SPEM3: variants seen among roughly 807,000 people sequenced by gnomAD.
SPEM3 encodes SPEM family member 3.
At position 7,428,906 on chromosome 17, in the gene SPEM3, G is replaced by T. The variant is rs1597734480; in HGVS notation, c.4G>T (p.Gly2Cys). ...GGCAGTCCTGGGACCCCAGGCCATG[G>T]GTGAGCGAGCCTATCATGGGGCCCA... M[G>C]ERAYHGAQVC... Residue 2 changes from glycine to cysteine, a missense_variant, in exon 1 of 3, where the codon GGT becomes TGT. Transcript: ENST00000636696. 1 of 398,718 alleles carries T rather than the reference G, an allele frequency of 2.5e-6. No homozygotes were observed. Among genetic ancestry groups the T allele is most frequent in the Non-Finnish European group, 4.4e-6 (1 of 226,112 alleles). 24.7% of individuals were successfully genotyped at this position (398,718 alleles called of 1,614,324 possible).
chr17:7,431,583 T>C lies in SPEM3; in HGVS notation c.2412T>C (p.Ser804=), dbSNP rs1907834277. Residue 804 remains serine, a synonymous_variant, in exon 3 of 3, where the codon TCT becomes TCC. Transcript: ENST00000636696. ...GGAGCTCAGGCTTTACACAAGACTC[T>C]GGAATCTATAGGAATCTTGAACCAA... is the stretch of plus-strand genomic sequence containing the variant. ...LQRSSGFTQD[S]GIYRNLEPNQ... The C allele has an allele frequency of 2.5e-6, 1 of 398,448 alleles. No homozygotes were observed. The highest frequency in any genetic ancestry group is 2.1e-5 in the African/African-American group (1 of 48,598). The allele number at this position is 398,448 out of a possible 1,614,324, so 24.7% of individuals were successfully genotyped here. A position where few individuals can be genotyped will look rare whatever the true frequency, so the allele number is the denominator to read the frequency against.
In SPEM3 at chr17:7,432,072, A is replaced by G. The variant is rs1444414281; in HGVS notation, c.2901A>G (p.Gln967=). 2 of 398,466 alleles carry G rather than the reference A, an allele frequency of 5.0e-6. No individual in the cohort carries two copies. The highest frequency in any genetic ancestry group is 4.4e-6 in the Non-Finnish European group (1 of 226,072). 24.7% of individuals were successfully genotyped at this position (398,466 alleles called of 1,614,324 possible). Residue 967 remains glutamine, a synonymous_variant, in exon 3 of 3, where the codon CAA becomes CAG. Transcript: ENST00000636696. This position sits in a 1 kb window ranked among gnomAD's most constrained non-coding sequence, Gnocchi z 4.1. ...VGVYRSSEHS[Q]DSNLHKCPGI... is the part of the protein sequence containing the mutation. The stretch of plus-strand genomic sequence containing the variant: ...TTTACAGGAGCTCAGAACATAGCCA[A>G]GACTCTAATCTCCACAAGTGCCCAG...
Position 7,430,681 on chromosome 17 carries a change from A to C in SPEM3, c.1510A>C (p.Ser504Arg), listed in dbSNP as rs922136155. 4 of 398,680 alleles carry C rather than the reference A, an allele frequency of 1.0e-5. No individual in the cohort carries two copies. Among genetic ancestry groups the C allele is most frequent in the African/African-American group, 8.2e-5 (4 of 48,740 alleles). 24.7% of individuals were successfully genotyped at this position (398,680 alleles called of 1,614,324 possible). A position where few individuals can be genotyped will look rare whatever the true frequency, so the allele number is the denominator to read the frequency against. ...SEQTKQCSGD[S>R]AKLPAGSILG... The stretch of plus-strand genomic sequence containing the variant: ...GCAAACAAAGCAATGCAGTGGGGAT[A>C]GTGCCAAGCTTCCTGCAGGATCCAT... The change falls in exon 3 of 3, where the codon AGT becomes CGT. Residue 504 changes from serine (S) to arginine (R), a missense_variant. By Grantham distance (110) the Ser-to-Arg change is moderately radical. Coordinates refer to ENST00000636696, the MANE Select transcript of SPEM3 (RefSeq NM_001364708.1).
In SPEM3 at chr17:7,429,484, G is replaced by A. The variant is rs887901262; in HGVS notation, c.313G>A (p.Val105Ile). 1.0e-5 allele frequency: 4 copies of A among 398,518 alleles called. No homozygotes were observed. The highest frequency in any genetic ancestry group is 1.3e-4 in the South Asian group (1 of 7,870). 24.7% of individuals were successfully genotyped at this position (398,518 alleles called of 1,614,324 possible). A position where few individuals can be genotyped will look rare whatever the true frequency, so the allele number is the denominator to read the frequency against. Residue 105 changes from valine to isoleucine, a missense_variant, in exon 3 of 3, where the codon GTT becomes ATT. Coordinates refer to ENST00000636696, the MANE Select transcript of SPEM3 (RefSeq NM_001364708.1). The surrounding 1 kb of genome is among the most constrained non-coding windows in gnomAD (Gnocchi z 4.9). ...HPRPGFLLRR[V>I]NHLDSWIPDT... ...TCGCCCAGGCTTCCTGCTCAGGCGC[G>A]TTAACCACCTTGACTCCTGGATACC...
At position 7,429,276 on chromosome 17, in the gene SPEM3, G is replaced by A. The variant is rs1907750193; in HGVS notation, c.196+29G>A. On this transcript the variant is annotated intron_variant, in intron 2 of 2. Coordinates refer to ENST00000636696, the MANE Select transcript of SPEM3 (RefSeq NM_001364708.1). This position sits in a 1 kb window ranked among gnomAD's most constrained non-coding sequence, Gnocchi z 4.9. ...AGTGGGCCCCTGTATGGGCTCCCAG[G>A]GATATGGGCCTGTCCCCTTTCTCCT... 2 of 398,400 alleles carry A rather than the reference G, an allele frequency of 5.0e-6. No individual in the cohort carries two copies. Among genetic ancestry groups the A allele is most frequent in the Non-Finnish European group, 8.8e-6 (2 of 226,056 alleles). The allele number at this position is 398,400 out of a possible 1,614,324, so 24.7% of individuals were successfully genotyped here.
At position 7,431,633 on chromosome 17, in the gene SPEM3, A is replaced by T; in HGVS notation, c.2462A>T (p.Asn821Ile). The change falls in exon 3 of 3, where the codon AAT (asparagine) becomes ATT (isoleucine). Residue 821 changes from asparagine (N) to isoleucine (I), a missense_variant. Asn to Ile is a moderately radical substitution (Grantham distance 149). Coordinates refer to ENST00000636696, the MANE Select transcript of SPEM3 (RefSeq NM_001364708.1). ...AACCAAGAGACTGTGATCTACAAAA[A>T]TCAAGATCTCTCCCAAGCAACTGAC... ...EPNQETVIYK[N>I]QDLSQATDHQ... 2.5e-6 allele frequency: 1 copy of T among 398,616 alleles called. No individual in the cohort carries two copies. Among genetic ancestry groups the T allele is most frequent in the East Asian group, 3.6e-5 (1 of 28,080 alleles). The allele number at this position is 398,616 out of a possible 1,614,324, so 24.7% of individuals were successfully genotyped here.
In SPEM3 at chr17:7,430,046, C is replaced by G. The variant is rs1046569303; in HGVS notation, c.875C>G (p.Ala292Gly). 7.2e-6 allele frequency: 3 copies of G among 413,808 alleles called. No homozygotes were observed. The highest frequency in any genetic ancestry group is 4.4e-5 in the Admixed American group (1 of 22,808). 25.6% of individuals were successfully genotyped at this position (413,808 alleles called of 1,614,324 possible). A position where few individuals can be genotyped will look rare whatever the true frequency, so the allele number is the denominator to read the frequency against. Residue 292 changes from alanine to glycine, a missense_variant, in exon 3 of 3, where the codon GCC (alanine) becomes GGC (glycine). Physicochemically the swap from Ala to Gly is moderately conservative, Grantham distance 60 (BLOSUM62 0). Transcript: ENST00000636696. ...ACCCCAGCCCCTACACCGGCCAAGG[C>G]CTCAGCTCACACTAAAGCCCATACG... Reference protein sequence around the residue: ...AHTPAPTPAKASAHTKAHTSA... With the variant: ...AHTPAPTPAKGSAHTKAHTSA...
At position 7,430,489 on chromosome 17, in the gene SPEM3, T is replaced by G. The variant is rs2150827395; in HGVS notation, c.1318T>G (p.Phe440Val). The change falls in exon 3 of 3, where the codon TTC becomes GTC. Residue 440 changes from phenylalanine (F) to valine (V), a missense_variant. Transcript: ENST00000636696. ...TCCTATACCCTCTACCCCACCTGCC[T>G]TCAGCCATGACCTCTCCACTGGCCA... ...ITPIPSTPPA[F>V]SHDLSTGHVV... 1 of 399,402 alleles carries G rather than the reference T, an allele frequency of 2.5e-6. No individual in the cohort carries two copies. The highest frequency in any genetic ancestry group is 3.6e-5 in the East Asian group (1 of 28,090). 24.7% of individuals were successfully genotyped at this position (399,402 alleles called of 1,614,324 possible).
chr17:7,432,781 A>C lies in SPEM3; in HGVS notation c.*19A>C. 5.0e-6 allele frequency: 2 copies of C among 398,622 alleles called. No individual in the cohort carries two copies. The highest frequency in any genetic ancestry group is 8.8e-6 in the Non-Finnish European group (2 of 226,106). 24.7% of individuals were successfully genotyped at this position (398,622 alleles called of 1,614,324 possible). On this transcript the variant is annotated 3_prime_UTR_variant, in exon 3 of 3. Coordinates refer to ENST00000636696, the MANE Select transcript of SPEM3 (RefSeq NM_001364708.1). This position sits in a 1 kb window ranked among gnomAD's most constrained non-coding sequence, Gnocchi z 4.1. The stretch of plus-strand genomic sequence containing the variant: ...AATGTGATGAGAACCTTGGACAAAG[A>C]GGGGACAAAAGTGCATCAGGAATAA...
In SPEM3 at chr17:7,430,044, G is replaced by A. The variant is rs1413098080; in HGVS notation, c.873G>A (p.Lys291=). The change falls in exon 3 of 3, where the codon AAG becomes AAA. Residue 291 remains lysine (K), a synonymous_variant. Coordinates refer to ENST00000636696, the MANE Select transcript of SPEM3 (RefSeq NM_001364708.1). ...QAHTPAPTPA[K]ASAHTKAHTS... is the part of the protein sequence containing the mutation. ...ACACCCCAGCCCCTACACCGGCCAA[G>A]GCCTCAGCTCACACTAAAGCCCATA... The A allele has an allele frequency of 9.7e-6, 4 of 410,440 alleles. No homozygotes were observed. The highest frequency in any genetic ancestry group is 2.1e-5 in the African/African-American group (1 of 47,754). The allele number at this position is 410,440 out of a possible 1,614,324, so 25.4% of individuals were successfully genotyped here.
rs1219546720 is a variant in SPEM3 at position 7,429,951 on chromosome 17, C to T, written c.780C>T (p.Thr260=). 2.6e-5 allele frequency: 11 copies of T among 422,402 alleles called. No individual in the cohort carries two copies. The highest frequency in any genetic ancestry group is 2.9e-5 in the Non-Finnish European group (7 of 241,246). 26.2% of individuals were successfully genotyped at this position (422,402 alleles called of 1,614,324 possible). Residue 260 remains threonine, a synonymous_variant, in exon 3 of 3, where the codon ACC becomes ACT. Transcript: ENST00000636696. This position sits in a 1 kb window ranked among gnomAD's most constrained non-coding sequence, Gnocchi z 4.9. The part of the protein sequence containing the change: ...PEGTHSQAQD[T]SAQAQAHTSA... ...GCACCCACTCCCAGGCCCAGGACAC[C>T]TCAGCCCAGGCCCAAGCCCACACCT... is the stretch of plus-strand genomic sequence containing the variant.
rs1907749800 is a variant in SPEM3 at position 7,429,266 on chromosome 17, G to C, written c.196+19G>C. The C allele has an allele frequency of 5.0e-6, 2 of 398,424 alleles. No homozygotes were observed. Among genetic ancestry groups the C allele is most frequent in the Non-Finnish European group, 8.8e-6 (2 of 226,056 alleles). The allele number at this position is 398,424 out of a possible 1,614,324, so 24.7% of individuals were successfully genotyped here. A position where few individuals can be genotyped will look rare whatever the true frequency, so the allele number is the denominator to read the frequency against. ...CCCAAAGGTGAGTGGGCCCCTGTAT[G>C]GGCTCCCAGGGATATGGGCCTGTCC... On this transcript the variant is annotated intron_variant, in intron 2 of 2. Transcript: ENST00000636696. This position sits in a 1 kb window ranked among gnomAD's most constrained non-coding sequence, Gnocchi z 4.9.
chr17:7,429,259 C>G lies in SPEM3; in HGVS notation c.196+12C>G, dbSNP rs1907749328. 1 of 398,522 alleles carries G rather than the reference C, an allele frequency of 2.5e-6. No homozygotes were observed. The highest frequency in any genetic ancestry group is 4.4e-5 in the Admixed American group (1 of 22,726). The allele number at this position is 398,522 out of a possible 1,614,324, so 24.7% of individuals were successfully genotyped here. On this transcript the variant is annotated intron_variant, in intron 2 of 2. Coordinates refer to ENST00000636696, the MANE Select transcript of SPEM3 (RefSeq NM_001364708.1). This position sits in a 1 kb window ranked among gnomAD's most constrained non-coding sequence, Gnocchi z 4.9. ...TTTTTTCCCCAAAGGTGAGTGGGCC[C>G]CTGTATGGGCTCCCAGGGATATGGG...
rs1443635713 is a variant in SPEM3, at chr17:7,429,091, G to A, written c.138+51G>A. On this transcript the variant is annotated intron_variant, in intron 1 of 2. Transcript: ENST00000636696. The surrounding 1 kb of genome is among the most constrained non-coding windows in gnomAD (Gnocchi z 4.9). ...GTTGGGGGAGCCCTGGGGTCTTGAA[G>A]GGGCTGAGGTGGGAGGGCTGTTGGG... 7.5e-6 allele frequency: 3 copies of A among 398,848 alleles called. No homozygotes were observed. Among genetic ancestry groups the A allele is most frequent in the Non-Finnish European group, 1.3e-5 (3 of 226,220 alleles). The allele number at this position is 398,848 out of a possible 1,614,324, so 24.7% of individuals were successfully genotyped here. A position where few individuals can be genotyped will look rare whatever the true frequency, so the allele number is the denominator to read the frequency against.
chr17:7,430,071 G>A lies in SPEM3; in HGVS notation c.900G>A (p.Thr300=), dbSNP rs573217109. The change falls in exon 3 of 3, where the codon ACG becomes ACA. Residue 300 remains threonine (T), a synonymous_variant. Transcript: ENST00000636696. The stretch of plus-strand genomic sequence containing the variant: ...CCTCAGCTCACACTAAAGCCCATAC[G>A]TCAGCCCAGGCCCAAACCCACTCTC... ...AKASAHTKAH[T]SAQAQTHSPP... is the part of the protein sequence containing the mutation. 27 of 405,274 alleles carry A rather than the reference G, an allele frequency of 6.7e-5. No homozygotes were observed. The highest frequency in any genetic ancestry group is 1.2e-3 in the Middle Eastern group (2 of 1,628). 25.1% of individuals were successfully genotyped at this position (405,274 alleles called of 1,614,324 possible).
rs1022687422 is a variant in SPEM3 at position 7,431,875 on chromosome 17, C to T, written c.2704C>T (p.Leu902Phe). ...CCCAGGCCTTGTCCAAACCTCTGGC[C>T]TCCCAAAGTGCTCAGGCCTTACCCA... ...KSPGLVQTSG[L>F]PKCSGLTQNS... Residue 902 changes from leucine (L) to phenylalanine (F), a missense_variant, in exon 3 of 3, where the codon CTC becomes TTC. Leu to Phe is a conservative substitution (Grantham distance 22). Coordinates refer to ENST00000636696, the MANE Select transcript of SPEM3 (RefSeq NM_001364708.1). The T allele has an allele frequency of 2.5e-6, 1 of 398,502 alleles. No homozygotes were observed. The highest frequency in any genetic ancestry group is 4.4e-5 in the Admixed American group (1 of 22,708). The allele number at this position is 398,502 out of a possible 1,614,324, so 24.7% of individuals were successfully genotyped here.
rs967162698 is a variant in SPEM3 at position 7,431,528 on chromosome 17, C to T, written c.2357C>T (p.Thr786Ile). ...LTQSPGLHKK[T>I]PFTQTSDLQR... is the part of the protein sequence containing the mutation. ...CAATCCCCTGGCCTCCACAAGAAAA[C>T]ACCATTTACCCAAACTTCTGATCTT... is the stretch of plus-strand genomic sequence containing the variant. Residue 786 changes from threonine to isoleucine, a missense_variant, in exon 3 of 3, where the codon ACA (threonine) becomes ATA (isoleucine). Coordinates refer to ENST00000636696, the MANE Select transcript of SPEM3 (RefSeq NM_001364708.1). 5.0e-6 allele frequency: 2 copies of T among 398,464 alleles called. No homozygotes were observed. Among genetic ancestry groups the T allele is most frequent in the Non-Finnish European group, 8.8e-6 (2 of 226,080 alleles). 24.7% of individuals were successfully genotyped at this position (398,464 alleles called of 1,614,324 possible). A position where few individuals can be genotyped will look rare whatever the true frequency, so the allele number is the denominator to read the frequency against.
chr17:7,431,833 T>A lies in SPEM3; in HGVS notation c.2662T>A (p.Ser888Thr), dbSNP rs1907840946. ...TAAGAGCTCAGGAGTTATCCAGGAA[T>A]CTTTTCTCCACAAGAGCCCAGGCCT... ...VNKSSGVIQESFLHKSPGLVQ... is the reference protein window; with the variant it reads ...VNKSSGVIQETFLHKSPGLVQ... Residue 888 changes from serine to threonine, a missense_variant, in exon 3 of 3, where the codon TCT becomes ACT. By Grantham distance (58) the Ser-to-Thr change is moderately conservative (BLOSUM62 1). Transcript: ENST00000636696. 2.5e-6 allele frequency: 1 copy of A among 398,446 alleles called. No individual in the cohort carries two copies. 24.7% of individuals were successfully genotyped at this position (398,446 alleles called of 1,614,324 possible). A position where few individuals can be genotyped will look rare whatever the true frequency, so the allele number is the denominator to read the frequency against.
rs1194402632 is a variant in SPEM3 at position 7,429,740 on chromosome 17, C to T, written c.569C>T (p.Pro190Leu). Residue 190 changes from proline to leucine, a missense_variant, in exon 3 of 3, where the codon CCC becomes CTC. Coordinates refer to ENST00000636696, the MANE Select transcript of SPEM3 (RefSeq NM_001364708.1). This position sits in a 1 kb window ranked among gnomAD's most constrained non-coding sequence, Gnocchi z 4.9. ...SKLDTGPCHL[P>L]QESKTKTPDC... ...TTGGACACGGGTCCATGCCACCTGC[C>T]CCAAGAGAGCAAGACTAAGACCCCA... is the stretch of plus-strand genomic sequence containing the variant. 2.5e-6 allele frequency: 1 copy of T among 399,154 alleles called. No homozygotes were observed. Among genetic ancestry groups the T allele is most frequent in the Non-Finnish European group, 4.4e-6 (1 of 226,582 alleles). 24.7% of individuals were successfully genotyped at this position (399,154 alleles called of 1,614,324 possible).
Sources: allele counts gnomAD v4.1 joint callset, GRCh38; gene constraint gnomAD v4.1.1; non-coding constraint Gnocchi (gnomAD v3.1); transcripts MANE v1.5; gene names NCBI Gene and HGNC (gene_info 2026-07-23, HGNC 2026-07-21).